Variants in CDHR3 observed in about 807,000 individuals in gnomAD.
The protein encoded by CDHR3 is cadherin related family member 3.
In CDHR3, 79 loss-of-function variants were observed where a neutral mutation model predicts 86.6. That is an observed-to-expected ratio of 0.91 (90% CI 0.76 to 1.10). The LOEUF is 1.10. CDHR3 is among the 50% of genes least tolerant of loss of function. The probability of loss-of-function intolerance (pLI) is 0.00; values close to 1 mark genes in which losing one functional copy is unlikely to be tolerated. For missense variants in CDHR3, 1,081 were observed against 1,077.6 expected (o/e 1.00, Z -0.04); for synonymous variants, 421 against 402.4 (o/e 1.05, Z -0.55).
chr7:106,028,513 C>T (rs1036001355), intron 16 of CDHR3, 38 bp from the exon 17 acceptor site: 25 of 1,613,306 alleles, frequency 1.5e-5, no homozygotes, highest in Non-Finnish European at 2.1e-5. Flanking sequence ...AATTTACCAC[C>T]CAAGAAGCTT....
chr7:106,012,295 A>G (rs920495359), intron 8 of CDHR3, among the ~76,000 whole-genome samples: 3 of 152,154 alleles, frequency 2.0e-5, no homozygotes, highest in Non-Finnish European at 2.9e-5. Context: ...TAGGAGAGGA[A>G]GTACCGGGCA....
intron 4 of CDHR3, among the ~76,000 whole-genome samples, chr7:105,992,515 C>T (rs764028831): frequency 2.1e-4 from 32 of 152,190 alleles, no homozygotes; most frequent in Non-Finnish European, 4.1e-4. Context: ...AAGGTGCTTG[C>T]ACAATCTGTG....
Position 106,004,584 on chromosome 7 carries a change from G to C in CDHR3, c.949G>C (p.Val317Leu), listed in dbSNP as rs766881171. The change falls in exon 8 of 19, where the codon GTG becomes CTG. Residue 317 changes from valine (V) to leucine (L), a missense_variant. Coordinates refer to ENST00000317716, the MANE Select transcript of CDHR3 (RefSeq NM_152750.5). Reference protein sequence around the residue: ...QNPTISLEVLVKDRPYGGQEN... With the variant: ...QNPTISLEVLLKDRPYGGQEN... ...TCCCACCATTTCCCTGGAAGTTCTA[G>C]TGAAGGACAGACCATATGGGGGTCA... is the stretch of plus-strand genomic sequence containing the variant. 6.2e-7 allele frequency: 1 copy of C among 1,614,022 alleles called. No homozygotes were observed. The highest frequency in any genetic ancestry group is 8.5e-7 in the Non-Finnish European group (1 of 1,179,894).
chr7:106,018,385 C>T (rs531980025), intron 12 of CDHR3, among the ~76,000 whole-genome samples: 22 of 152,226 alleles, frequency 1.4e-4, no homozygotes, highest in Middle Eastern at 3.4e-3. Context: ...TGCAAGTGTG[C>T]ACCACCGTGC....
intron 4 of CDHR3, among the ~76,000 whole-genome samples, chr7:105,990,030 C>A (rs750234784): frequency 1.3e-5 from 2 of 152,186 alleles, no homozygotes; most frequent in African/African-American, 2.4e-5. Context: ...AGGTACTGGA[C>A]AATTCCCACT....
intron 5 of CDHR3, among the ~76,000 whole-genome samples, chr7:105,995,406 A>T (rs775394367): frequency 2.4e-4 from 36 of 151,804 alleles, no homozygotes; most frequent in Non-Finnish European, 4.4e-4. Context: ...AATAAACCAG[A>T]CCAAGGACGG....
intron 6 of CDHR3, among the ~76,000 whole-genome samples, chr7:106,000,019 C>T (rs1832889537): frequency 6.6e-6 from 1 of 152,240 alleles, no homozygotes; most frequent in Non-Finnish European, 1.5e-5. Flanking sequence ...CTTGGCCCAG[C>T]CTGGGGGCGC....
Position 106,022,224 on chromosome 7 carries a change from T to C in CDHR3, c.1852T>C (p.Ser618Pro). The C allele has an allele frequency of 6.2e-7, 1 of 1,614,028 alleles. No homozygotes were observed. The highest frequency in any genetic ancestry group is 1.1e-5 in the South Asian group (1 of 91,078). ...PGNVNNHFTF[S>P]PNAGSNVTRL... ...TAACGTCAACAATCATTTCACCTTC[T>C]CTCCCAATGCTGGTTCCAATGTCAC... Residue 618 changes from serine to proline, a missense_variant, in exon 14 of 19, where the codon TCT (serine) becomes CCT (proline). By Grantham distance (74) the Ser-to-Pro change is moderately conservative. Transcript: ENST00000317716.
chr7:106,026,728 T>G (rs768935941), intron 16 of CDHR3, 33 bp downstream of exon 16: 1 of 1,612,710 alleles, frequency 6.2e-7, no homozygotes, highest in Non-Finnish European at 8.5e-7. Context: ...TTGTCTGTTG[T>G]TTTTTGCTTG....
intron 13 of CDHR3, 124 bp downstream of exon 13, chr7:106,020,668 T>C: frequency 9.2e-7 from 1 of 1,092,654 alleles, no homozygotes; most frequent in African/African-American, 1.6e-5. Context: ...GGGCATTATT[T>C]TTTTGAGATA....
At chr7:106,012,259 C>T (rs911653324) in intron 8 of CDHR3, among the ~76,000 whole-genome samples, 3 of 151,772 alleles carry the variant, frequency 2.0e-5, no homozygotes, top group Non-Finnish European at 4.4e-5. Context: ...ATGATGTGTG[C>T]TAGGAATTAA....
At chr7:106,026,042 T>C (rs954917809) in intron 15 of CDHR3, among the ~76,000 whole-genome samples, 3 of 152,236 alleles carry the variant, frequency 2.0e-5, no homozygotes, top group African/African-American at 4.8e-5. Context: ...TTTTAACTTA[T>C]GTTGTAAATA....
chr7:105,992,069 C>T (rs989182962), intron 4 of CDHR3, among the ~76,000 whole-genome samples: 6 of 152,114 alleles, frequency 3.9e-5, no homozygotes, highest in Admixed American at 6.5e-5. Flanking sequence ...TCTCAGTTCC[C>T]GTCATATCCT....
At position 106,006,481 on chromosome 7, in the gene CDHR3, A is replaced by G. The variant is rs149641391; in HGVS notation, c.1052+1794A>G. Among the ~76,000 whole-genome samples the G allele has an allele frequency of 2.8e-4, 42 of 152,342 alleles. No homozygotes were observed. The East Asian group carries it at 7.9e-3, about 29-fold the overall frequency. On this transcript the variant is annotated intron_variant, in intron 8 of 18. Coordinates refer to ENST00000317716, the MANE Select transcript of CDHR3 (RefSeq NM_152750.5). ...GCAAGTTAGTTACTTCCTAGATACA[A>G]TGGGGGTATAGGCATTGGGTAAATA...
chr7:105,995,857 G>A (rs1029287573), intron 5 of CDHR3, among the ~76,000 whole-genome samples: 1 of 152,166 alleles, frequency 6.6e-6, no homozygotes, highest in Non-Finnish European at 1.5e-5. Context: ...GGTGAAGCAG[G>A]TGAGGCTCCT....
chr7:105,999,942 C>T (rs1285378714), intron 6 of CDHR3, among the ~76,000 whole-genome samples: 1 of 152,164 alleles, frequency 6.6e-6, no homozygotes, highest in Non-Finnish European at 1.5e-5. Context: ...ACAGAACCCG[C>T]TCATGATGAC....
chr7:105,996,176 A>G (rs1832175633), intron 5 of CDHR3, 74 bp from the exon 6 acceptor site: 1 of 812,296 alleles, frequency 1.2e-6, no homozygotes, highest in East Asian at 2.7e-5. Flanking sequence ...CTCCCACCCC[A>G]TGATTTTCCC....
chr7:105,994,709 C>A, intron 4 of CDHR3, 42 bp from the exon 5 acceptor site: 1 of 1,315,482 alleles, frequency 7.6e-7, no homozygotes, highest in Non-Finnish European at 1.1e-6. Flanking sequence ...GAAGGGTGGG[C>A]AGGTGGGCTG....
At chr7:106,002,350 G>T (rs1322170942) in intron 7 of CDHR3, among the ~76,000 whole-genome samples, 1 of 152,230 alleles carries the variant, frequency 6.6e-6, no homozygotes, top group East Asian at 1.9e-4. Context: ...TGCTCAGTTT[G>T]ATGAAGTGAG....
Sources: gnomAD v4.1 joint callset for allele counts (sites outside exome capture counted in the v4.1 genomes callset) on GRCh38, gnomAD v4.1.1 for gene constraint, MANE v1.5 for transcripts, NCBI Gene and HGNC (gene_info 2026-07-23, HGNC 2026-07-21) for gene names.